The following MAGI2 variants were observed in gnomAD, a reference collection of about 807,000 sequenced individuals.
MAGI2 encodes the protein membrane-associated guanylate kinase, WW and PDZ domain-containing protein 2.
Under a neutral mutation model 133.3 loss-of-function variants are expected in MAGI2, and 35 were observed. The ratio of observed to expected loss-of-function variants is 0.26; its 90% CI spans 0.20 to 0.35. MAGI2 has a LOEUF of 0.35. Ranked by LOEUF, MAGI2 falls within the 10% of genes least tolerant of loss-of-function variation. The probability of loss-of-function intolerance (pLI) is 1.00; values close to 1 mark genes in which losing one functional copy is unlikely to be tolerated. For synonymous variants in MAGI2, 729 were observed against 710.6 expected, an observed-to-expected ratio of 1.03 and a Z score of -0.41; for missense variants, 1,636 against 1,863.4, an observed-to-expected ratio of 0.88 and a Z score of 2.25.
At chr7:79,207,562 C>T (rs2129552396) in intron 1 of MAGI2, among the ~76,000 whole-genome samples, 1 of 151,692 alleles carries the variant, frequency 6.6e-6, no homozygotes, top group East Asian at 1.9e-4. Context: ...AAATTGAAGA[C>T]ACAAATAAAT....
At chr7:78,356,757 A>G (rs1792124856) in intron 7 of MAGI2, among the ~76,000 whole-genome samples, 1 of 152,188 alleles carries the variant, frequency 6.6e-6, no homozygotes, top group Admixed American at 6.5e-5. Context: ...CACCTGTGCT[A>G]TATTCACCAC....
At chr7:78,380,770 T>C (rs754792739) in intron 6 of MAGI2, among the ~76,000 whole-genome samples, 3 of 152,112 alleles carry the variant, frequency 2.0e-5, no homozygotes, top group Non-Finnish European at 4.4e-5. Context: ...CACAGACACT[T>C]GAAGGGTTGG....
chr7:78,325,783 C>T (rs1788521645), intron 9 of MAGI2, among the ~76,000 whole-genome samples: 1 of 152,172 alleles, frequency 6.6e-6, no homozygotes. Context: ...CAAGGGAGCC[C>T]ATTGGTGCAG....
chr7:78,066,055 A>G lies in MAGI2; in HGVS notation c.3706+12892T>C, dbSNP rs138069607. On this transcript the variant is annotated intron_variant, in intron 21 of 21. Transcript: ENST00000354212. ...AGAATCAGTCACAGTAATCATTTCTAAATTTTAAAAGGATTATAAAAATAA... is the reference window on the plus strand; with the variant it reads ...AGAATCAGTCACAGTAATCATTTCTGAATTTTAAAAGGATTATAAAAATAA... Among the ~76,000 whole-genome samples the G allele has an allele frequency of 4.5e-3, 692 of 152,320 alleles. 3 individuals are homozygous for G. Among genetic ancestry groups the G allele is most frequent in the African/African-American group, 0.015 (637 of 41,564 alleles).
intron 1 of MAGI2, among the ~76,000 whole-genome samples, chr7:79,141,080 C>T (rs1229984937): frequency 3.3e-5 from 5 of 152,170 alleles, no homozygotes; most frequent in Non-Finnish European, 7.4e-5. Flanking sequence ...TTCACCATCA[C>T]CACAAATCCT....
In MAGI2 at chr7:78,243,269, A is replaced by ACACT. The variant is rs1212701510; in HGVS notation, c.2047+12673_2047+12674insAGTG. On this transcript the variant is annotated intron_variant, in intron 10 of 21. Coordinates refer to ENST00000354212, the MANE Select transcript of MAGI2 (RefSeq NM_012301.4). The stretch of plus-strand genomic sequence containing the variant: ...CACACACACACACACACACACACAC[A>ACACT]CTCTCTCTCTCTCTCTCTTATAAAA... 9.5e-5 allele frequency among the ~76,000 whole-genome samples: 6 copies of ACACT among 62,854 alleles called. No individual in the cohort carries two copies. The South Asian group carries it at 1.9e-3, about 20-fold the overall frequency. The allele number at this position is 62,854 out of a possible 152,430, so 41.2% of individuals were successfully genotyped here.
At chr7:78,329,314 T>C (rs552289083) in intron 9 of MAGI2, among the ~76,000 whole-genome samples, 1 of 152,346 alleles carries the variant, frequency 6.6e-6, no homozygotes, top group South Asian at 2.1e-4. Context: ...AAGGTCTGCA[T>C]GGTAATTTAT....
intron 1 of MAGI2, among the ~76,000 whole-genome samples, chr7:79,133,039 C>T (rs905114169): frequency 6.6e-6 from 1 of 152,068 alleles, no homozygotes; most frequent in Non-Finnish European, 1.5e-5. Flanking sequence ...CTTGTAGATT[C>T]TGCTTACCAG....
At chr7:78,759,176 G>T (rs905683946) in intron 2 of MAGI2, among the ~76,000 whole-genome samples, 2 of 151,820 alleles carry the variant, frequency 1.3e-5, no homozygotes, top group Admixed American at 1.3e-4. Context: ...TAACAAAATA[G>T]TCTCCATATT....
chr7:78,063,240 CTT>C (rs1813464857), intron 21 of MAGI2, among the ~76,000 whole-genome samples: 3 of 27,530 alleles, frequency 1.1e-4, no homozygotes, highest in Non-Finnish European at 3.7e-4. Context: ...GTATTTTTTT[CTT>C]TTCTTTTCTT....
chr7:78,419,416 A>C (rs1199682679), intron 6 of MAGI2, among the ~76,000 whole-genome samples: 2 of 115,892 alleles, frequency 1.7e-5, no homozygotes, highest in Non-Finnish European at 3.8e-5. Flanking sequence ...TGTGTGTGTA[A>C]GGAGACACAG....
intron 1 of MAGI2, among the ~76,000 whole-genome samples, chr7:79,191,380 T>TTTTTTC (rs1201268822): frequency 6.7e-6 from 1 of 149,210 alleles, no homozygotes; most frequent in Non-Finnish European, 1.5e-5. Flanking sequence ...CATTTCTTCT[T>TTTTTTC]TTTTTCTTTT....
intron 1 of MAGI2, among the ~76,000 whole-genome samples, chr7:79,431,794 A>G (rs754906403): frequency 6.6e-6 from 1 of 152,300 alleles, no homozygotes; most frequent in Non-Finnish European, 1.5e-5. Flanking sequence ...TGTGGTACCT[A>G]TCTAGGGAAT....
chr7:78,900,732 AT>A (rs1239454807), intron 2 of MAGI2, among the ~76,000 whole-genome samples: 3 of 152,078 alleles, frequency 2.0e-5, no homozygotes, highest in East Asian at 1.9e-4. Context: ...CCATATATTT[AT>A]TTTTTAATGT....
Position 78,167,958 on chromosome 7 carries a change from C to T in MAGI2, c.2554G>A (p.Gly852Arg). Residue 852 changes from glycine (G) to arginine (R), a missense_variant, in exon 15 of 22, where the codon GGG (glycine) becomes AGG (arginine). Transcript: ENST00000354212. The stretch of plus-strand genomic sequence containing the variant: ...CTTCTCACAGTGAGGTTGACCTGCC[C>T]ATTGCGGGCTGCGTGGTGCATGAGG... ...IDLMHHAARN[G>R]QVNLTVRRKV... 3 of 1,614,100 alleles carry T rather than the reference C, an allele frequency of 1.9e-6. No homozygotes were observed. Among genetic ancestry groups the T allele is most frequent in the Non-Finnish European group, 1.7e-6 (2 of 1,180,004 alleles).
intron 1 of MAGI2, among the ~76,000 whole-genome samples, chr7:79,213,118 C>T (rs770108875): frequency 2.0e-5 from 3 of 151,778 alleles, no homozygotes; most frequent in Admixed American, 1.3e-4. Context: ...GATTTTTTGC[C>T]TCTGTAACTA....
chr7:78,149,280 T>C (rs1373202467), intron 16 of MAGI2, among the ~76,000 whole-genome samples: 1 of 152,082 alleles, frequency 6.6e-6, no homozygotes, highest in African/African-American at 2.4e-5. Flanking sequence ...GCATTAGCAG[T>C]GGTGGTAGGG....
chr7:78,391,304 T>A (rs1277436031), intron 6 of MAGI2, among the ~76,000 whole-genome samples: 1 of 152,206 alleles, frequency 6.6e-6, no homozygotes, highest in Non-Finnish European at 1.5e-5. Flanking sequence ...GAGTCATAAT[T>A]TAATATCTAG....
chr7:78,712,684 G>A (rs1465643453), intron 2 of MAGI2, among the ~76,000 whole-genome samples: 2 of 152,056 alleles, frequency 1.3e-5, no homozygotes, highest in Admixed American at 6.6e-5. Context: ...CAATCATATC[G>A]AATGACAAGA....
Sources: allele counts gnomAD v4.1 joint callset (sites outside exome capture counted in the v4.1 genomes callset), GRCh38; gene constraint gnomAD v4.1.1; transcripts MANE v1.5; gene names NCBI Gene and HGNC (gene_info 2026-07-23, HGNC 2026-07-21).